The following GANC variants were observed in gnomAD, a reference collection of about 807,000 sequenced individuals.
The protein encoded by GANC is neutral alpha-glucosidase C.
Under a neutral mutation model 124.2 loss-of-function variants are expected in GANC, and 117 were observed. That is an observed-to-expected ratio of 0.94 (90% CI 0.81 to 1.10). The LOEUF is 1.10. GANC is among the 50% of genes least tolerant of loss of function. The pLI is 0.00. For missense variants in GANC, 1,140 were observed against 1,095.0 expected (o/e 1.04, Z -0.58); for synonymous variants, 377 against 376.8 (o/e 1.00, Z -0.01).
At chr15:42,351,277 C>A in intron 22 of GANC, 52 bp from the exon 23 acceptor site, 1 of 1,314,974 alleles carries the variant, frequency 7.6e-7, no homozygotes, top group Non-Finnish European at 1.1e-6. Flanking sequence ...GAGCTGGTGG[C>A]CACTTCAAAC....
At chr15:42,316,779 A>C (rs576974867) in intron 10 of GANC, among the ~76,000 whole-genome samples, 70 of 152,274 alleles carry the variant, frequency 4.6e-4, no homozygotes, top group African/African-American at 1.7e-3. Flanking sequence ...CTATCTGCTA[A>C]TTAACGGGGC....
chr15:42,345,732 T>C (rs1366901159), intron 19 of GANC, 26 bp from the exon 20 acceptor site: 22 of 1,511,640 alleles, frequency 1.5e-5, no homozygotes, highest in Non-Finnish European at 2.0e-5. Flanking sequence ...ATGTACTCTT[T>C]TTTACTGGAC....
At position 42,335,349 on chromosome 15, in the gene GANC, A is replaced by G. The variant is rs191990046; in HGVS notation, c.1742-3040A>G. On this transcript the variant is annotated intron_variant, in intron 15 of 23. Coordinates refer to ENST00000318010, the MANE Select transcript of GANC (RefSeq NM_198141.3). ...TAAATGTGATTCATCACATAAACAGAACTAAAGACAAAAACCACATGATCA... is the reference window on the plus strand; with the variant it reads ...TAAATGTGATTCATCACATAAACAGGACTAAAGACAAAAACCACATGATCA... Among the ~76,000 whole-genome samples the G allele has an allele frequency of 2.7e-3, 411 of 152,334 alleles. 1 individual carries two copies. The highest frequency in any genetic ancestry group is 9.5e-3 in the African/African-American group (396 of 41,574).
At chr15:42,293,232 G>A (rs2051859048) in intron 5 of GANC, among the ~76,000 whole-genome samples, 2 of 152,084 alleles carry the variant, frequency 1.3e-5, no homozygotes, top group Admixed American at 6.6e-5. Context: ...GCATACCTTC[G>A]TAATTTCACT....
chr15:42,343,223 G>GA, intron 19 of GANC, 69 bp downstream of exon 19: 8 of 1,377,342 alleles, frequency 5.8e-6, no homozygotes, highest in African/African-American at 1.4e-5. Flanking sequence ...TTTTAGGAAA[G>GA]AGATTTCTTC....
At position 42,274,511 on chromosome 15, in the gene GANC, G is replaced by T; in HGVS notation, c.29+1G>T. On this transcript the variant is annotated splice_donor_variant, in intron 1 of 23. Transcript: ENST00000318010. LOFTEE classifies it high-confidence loss of function. ...AAGCAGCAGTGAAAGAGGAAATAAG[G>T]TAAAGGCCAAGTGCTTCTGTAGCGA... The T allele has an allele frequency of 6.2e-7, 1 of 1,608,946 alleles. No individual in the cohort carries two copies. Among genetic ancestry groups the T allele is most frequent in the Non-Finnish European group, 8.5e-7 (1 of 1,177,842 alleles).
chr15:42,344,143 CT>C (rs1402476311), intron 19 of GANC, among the ~76,000 whole-genome samples: 1 of 152,218 alleles, frequency 6.6e-6, no homozygotes, highest in Non-Finnish European at 1.5e-5. Context: ...TTTGGTTGTT[CT>C]TTTAGTTTCT....
rs2052197952 is a variant in GANC at position 42,326,293 on chromosome 15, G to C, written c.1294-5G>C. 6.3e-7 allele frequency: 1 copy of C among 1,598,222 alleles called. No homozygotes were observed. The highest frequency in any genetic ancestry group is 8.6e-7 in the Non-Finnish European group (1 of 1,166,176). On this transcript the variant is annotated splice_polypyrimidine_tract_variant and splice_region_variant and intron_variant, in intron 11 of 23. Transcript: ENST00000318010. ...TGAGACCTCCAAACCTTCATGTCCT[G>C]ACAGCTTGTGGTCATCAGTGATCCC...
At chr15:42,324,394 A>G (rs1023722952) in intron 11 of GANC, among the ~76,000 whole-genome samples, 1 of 152,222 alleles carries the variant, frequency 6.6e-6, no homozygotes, top group Non-Finnish European at 1.5e-5. Context: ...AAATTTAAAA[A>G]TGGAATTACT....
At chr15:42,308,354 GT>G (rs752890631) in intron 8 of GANC, 36 bp downstream of exon 8, 1 of 1,373,264 alleles carries the variant, frequency 7.3e-7, no homozygotes, top group Non-Finnish European at 1.0e-6. Flanking sequence ...GGAGTCTCTG[GT>G]TTTTGTATTG....
chr15:42,313,986 G>A, intron 10 of GANC: 1 of 402,162 alleles, frequency 2.5e-6, no homozygotes, highest in Middle Eastern at 3.6e-4. Flanking sequence ...CAAAATTAAT[G>A]TAATAGTGAC....
intron 6 of GANC, 130 bp downstream of exon 6, chr15:42,297,786 C>A: frequency 1.9e-6 from 1 of 537,864 alleles, no homozygotes; most frequent in Non-Finnish European, 3.3e-6. Flanking sequence ...TAAATAGGAC[C>A]ACTTGTTTCT....
At chr15:42,305,963 G>T (rs374403335) in intron 6 of GANC, among the ~76,000 whole-genome samples, 9 of 151,838 alleles carry the variant, frequency 5.9e-5, no homozygotes, top group African/African-American at 1.9e-4. Context: ...GGCTAGGGGA[G>T]AGATAGCATT....
At chr15:42,293,065 TG>T in intron 5 of GANC, 148 bp downstream of exon 5, 7 of 697,146 alleles carry the variant, frequency 1.0e-5, no homozygotes, top group Non-Finnish European at 1.4e-5. Context: ...CCTTTTCACC[TG>T]TGAAGGTGAA....
At chr15:42,285,007 A>G (rs1218096371) in intron 3 of GANC, among the ~76,000 whole-genome samples, 2 of 152,134 alleles carry the variant, frequency 1.3e-5, no homozygotes, top group African/African-American at 2.4e-5. Context: ...GTATTTTTTC[A>G]TTGTCATTTC....
chr15:42,343,015 G>A, intron 18 of GANC, 63 bp from the exon 19 acceptor site: 1 of 1,394,346 alleles, frequency 7.2e-7, no homozygotes, highest in Non-Finnish European at 1.0e-6. Context: ...CTCAGTTAAA[G>A]AGAAAGGAGA....
At chr15:42,317,338 A>C (rs1335473649) in intron 10 of GANC, among the ~76,000 whole-genome samples, 1 of 152,256 alleles carries the variant, frequency 6.6e-6, no homozygotes, top group Admixed American at 6.5e-5. Context: ...TAATCCACTT[A>C]TATGAAGTAG....
chr15:42,318,353 C>A (rs893783179), intron 10 of GANC, among the ~76,000 whole-genome samples: 1 of 152,098 alleles, frequency 6.6e-6, no homozygotes, highest in Non-Finnish European at 1.5e-5. Context: ...ATCTTTTTTC[C>A]TACCTTTACC....
intron 15 of GANC, among the ~76,000 whole-genome samples, chr15:42,335,181 A>G (rs1274654462): frequency 6.6e-6 from 1 of 152,224 alleles, no homozygotes; most frequent in East Asian, 1.9e-4. Flanking sequence ...ATTTCAAGCC[A>G]GTATCCTCGA....
Sources: allele counts gnomAD v4.1 joint callset (sites outside exome capture counted in the v4.1 genomes callset), GRCh38; gene constraint gnomAD v4.1.1; transcripts MANE v1.5; gene names NCBI Gene and HGNC (gene_info 2026-07-23, HGNC 2026-07-21).